EXOC4: variants seen among roughly 807,000 people sequenced by gnomAD.
EXOC4 encodes the protein exocyst complex component 4.
In EXOC4, 71 loss-of-function variants were observed where a neutral mutation model predicts 107.2. The observed-to-expected ratio is 0.66, with a 90% confidence interval of 0.55 to 0.81. EXOC4 has a LOEUF of 0.81. Ranked by LOEUF, EXOC4 falls within the 30% of genes least tolerant of loss-of-function variation. EXOC4 has a pLI of 0.00. For missense variants in EXOC4, 1,108 were observed against 1,189.6 expected (o/e 0.93, Z 1.01); for synonymous variants, 456 against 441.2 (o/e 1.03, Z -0.42).
chr7:133,878,874 T>C (rs1798905094), intron 11 of EXOC4, among the ~76,000 whole-genome samples: 1 of 151,964 alleles, frequency 6.6e-6, no homozygotes, highest in Admixed American at 6.6e-5. Flanking sequence ...ACAGGTGTGC[T>C]CCACCATGCC....
At chr7:133,362,887 A>G (rs1796165722) in intron 6 of EXOC4, among the ~76,000 whole-genome samples, 1 of 152,132 alleles carries the variant, frequency 6.6e-6, no homozygotes, top group East Asian at 1.9e-4. Context: ...ACATGGTGGA[A>G]TTGGTCATTT....
In EXOC4 at chr7:134,064,585, T is replaced by C. The variant is rs2116644163; in HGVS notation, c.*57T>C. On this transcript the variant is annotated 3_prime_UTR_variant, in exon 18 of 18. Coordinates refer to ENST00000253861, the MANE Select transcript of EXOC4 (RefSeq NM_021807.4). ...CCTCAGTCACACTCACTTTTTTCCT[T>C]GGTATGTTATTGAGTATATTCTGAG... The C allele has an allele frequency of 2.5e-6, 3 of 1,197,058 alleles. No homozygotes were observed. Among genetic ancestry groups the C allele is most frequent in the South Asian group, 2.9e-5 (2 of 69,992 alleles). The allele number at this position is 1,197,058 out of a possible 1,614,324, so 74.2% of individuals were successfully genotyped here.
In EXOC4 at chr7:133,652,588, G is replaced by A. The variant is rs1000802071; in HGVS notation, c.1514+22447G>A. Among the ~76,000 whole-genome samples, 3 of 152,106 alleles carry A rather than the reference G, an allele frequency of 2.0e-5. No individual in the cohort carries two copies. The South Asian group carries it at 6.2e-4, about 31-fold the overall frequency. On this transcript the variant is annotated intron_variant, in intron 10 of 17. Coordinates refer to ENST00000253861, the MANE Select transcript of EXOC4 (RefSeq NM_021807.4). ...CAAAGACAGACCAGGGTACAAAGAG[G>A]AGTAGTGGGGAAGGGGCAAGAGGGA...
At chr7:133,270,521 T>C (rs927242065) in intron 1 of EXOC4, among the ~76,000 whole-genome samples, 3 of 152,078 alleles carry the variant, frequency 2.0e-5, no homozygotes, top group African/African-American at 7.2e-5. Flanking sequence ...GAAAGAACTA[T>C]TGAAAGTCCT....
chr7:133,493,189 C>A (rs1256826724), intron 9 of EXOC4, among the ~76,000 whole-genome samples: 6 of 152,124 alleles, frequency 3.9e-5, no homozygotes. Flanking sequence ...CTTTGGGAGG[C>A]CGAGGTGGGT....
chr7:133,635,021 T>C (rs558587359), intron 10 of EXOC4, among the ~76,000 whole-genome samples: 3 of 152,182 alleles, frequency 2.0e-5, no homozygotes, highest in Non-Finnish European at 2.9e-5. Context: ...ATTTATGTTA[T>C]GGGCCTTGAT....
At chr7:133,925,637 G>A (rs7805864) in intron 13 of EXOC4, among the ~76,000 whole-genome samples, 70,755 of 151,860 alleles carry the variant, frequency 0.47, 17,774 homozygotes, top group African/African-American at 0.65. Context: ...TCAGTTCTCT[G>A]GAGCCTGGTT....
At chr7:134,063,089 C>T (rs1181693913) in intron 17 of EXOC4, among the ~76,000 whole-genome samples, 1 of 152,208 alleles carries the variant, frequency 6.6e-6, no homozygotes, top group East Asian at 1.9e-4. Flanking sequence ...ATTGGCTTAA[C>T]TAGGTCTAAA....
intron 10 of EXOC4, among the ~76,000 whole-genome samples, chr7:133,746,510 T>C (rs1795680712): frequency 1.3e-5 from 2 of 152,170 alleles, no homozygotes; most frequent in South Asian, 4.1e-4. Context: ...CCACAGTGCA[T>C]TTCTGCCTAA....
intron 10 of EXOC4, among the ~76,000 whole-genome samples, chr7:133,721,963 T>A (rs1795113064): frequency 6.6e-6 from 1 of 152,214 alleles, no homozygotes; most frequent in African/African-American, 2.4e-5. Context: ...GGCTAACTTG[T>A]TAGCTTGCAA....
chr7:133,963,591 AAAC>A (rs1800995655), intron 14 of EXOC4, among the ~76,000 whole-genome samples: 1 of 152,206 alleles, frequency 6.6e-6, no homozygotes, highest in African/African-American at 2.4e-5. Flanking sequence ...GATTTGGGGG[AAAC>A]ACTGGTTTTA....
Position 133,938,048 on chromosome 7 carries a change from T to C in EXOC4, c.2185T>C (p.Ser729Pro). 1 of 1,614,118 alleles carries C rather than the reference T, an allele frequency of 6.2e-7. No homozygotes were observed. The highest frequency in any genetic ancestry group is 8.5e-7 in the Non-Finnish European group (1 of 1,180,034). ...GGCAAGTCGAACAAAGTCAGCTTTC[T>C]CCAATCTTTCTACATCCCAGAGTAA... is the stretch of plus-strand genomic sequence containing the variant. ...WLASRTKSAF[S>P]NLSTSQMLSP... Residue 729 changes from serine to proline, a missense_variant, in exon 14 of 18, where the codon TCC (serine) becomes CCC (proline). Ser to Pro is a moderately conservative substitution (Grantham distance 74, BLOSUM62 -1). Coordinates refer to ENST00000253861, the MANE Select transcript of EXOC4 (RefSeq NM_021807.4).
intron 1 of EXOC4, among the ~76,000 whole-genome samples, chr7:133,260,565 C>T (rs779938557): frequency 4.6e-5 from 7 of 152,150 alleles, no homozygotes; most frequent in South Asian, 2.1e-4. Context: ...TGAGGCACCG[C>T]GCCTGGCCCC....
the EXOC4 span, among the ~76,000 whole-genome samples, chr7:134,083,070 G>A: frequency 6.6e-6 from 1 of 152,336 alleles, no homozygotes; most frequent in East Asian, 1.9e-4. Context: ...TTGACAGTAT[G>A]TATCAAAAAG....
At chr7:133,973,040 C>T (rs1801278375) in intron 14 of EXOC4, among the ~76,000 whole-genome samples, 2 of 152,106 alleles carry the variant, frequency 1.3e-5, no homozygotes, top group Admixed American at 1.3e-4. Context: ...CTTATGAGGA[C>T]ATTAGAGAAG....
intron 5 of EXOC4, among the ~76,000 whole-genome samples, chr7:133,344,400 TTTTG>T (rs1321946998): frequency 6.6e-6 from 1 of 152,182 alleles, no homozygotes; most frequent in African/African-American, 2.4e-5. Flanking sequence ...TTCATCATTT[TTTTG>T]TTTGTTTTTA....
At chr7:133,879,104 T>G (rs144493443) in intron 11 of EXOC4, among the ~76,000 whole-genome samples, 10 of 152,240 alleles carry the variant, frequency 6.6e-5, no homozygotes, top group Admixed American at 4.6e-4. Flanking sequence ...AAAATGGTTA[T>G]TTTTTATTTA....
In EXOC4 at chr7:133,922,409, T is replaced by TTA. The variant is rs546947322; in HGVS notation, c.2027+4683_2027+4684dup. On this transcript the variant is annotated intron_variant, in intron 13 of 17. Transcript: ENST00000253861. ...ACCTTATATAAATGGAATCATGCAA[T>TTA]TATATATATATATTTATTTTTATGA... Among the ~76,000 whole-genome samples, 202 of 151,806 alleles carry TTA rather than the reference T, an allele frequency of 1.3e-3. 1 individual carries two copies. The highest frequency in any genetic ancestry group is 3.4e-3 in the Middle Eastern group (1 of 292).
intron 11 of EXOC4, among the ~76,000 whole-genome samples, chr7:133,882,797 G>T (rs1462275605): frequency 3.3e-5 from 5 of 152,140 alleles, no homozygotes; most frequent in Non-Finnish European, 1.5e-5. Flanking sequence ...GGTAGGAGAT[G>T]GGGCTGGAAG....
Sources: gnomAD v4.1 joint callset for allele counts (sites outside exome capture counted in the v4.1 genomes callset) on GRCh38, gnomAD v4.1.1 for gene constraint, MANE v1.5 for transcripts, NCBI Gene and HGNC (gene_info 2026-07-23, HGNC 2026-07-21) for gene names.